CCDC146: variants seen among roughly 807,000 people sequenced by gnomAD.
CCDC146 encodes coiled-coil domain-containing protein 146.
Under a neutral mutation model 119.3 loss-of-function variants are expected in CCDC146, and 92 were observed. The observed-to-expected ratio is 0.77, with a 90% CI of 0.65 to 0.92. The LOEUF is 0.92. CCDC146 is among the 40% of genes least tolerant of loss of function. The pLI, the probability that CCDC146 is intolerant of heterozygous loss-of-function variation, is 0.00. For synonymous variants in CCDC146, 372 were observed against 371.8 expected (o/e 1.00, Z -0.01); for missense variants, 1,000 against 1,103.0 (o/e 0.91, Z 1.32).
chr7:77,236,239 A>G (rs762886139), intron 2 of CCDC146, among the ~76,000 whole-genome samples: 6 of 152,228 alleles, frequency 3.9e-5, no homozygotes, highest in Non-Finnish European at 5.9e-5. Context: ...ACGATGTTTT[A>G]TGATGTCTGT....
In CCDC146 at chr7:77,217,791, C is replaced by T. The variant is rs148076251; in HGVS notation, c.157-19156C>T. 1.4e-3 allele frequency among the ~76,000 whole-genome samples: 211 copies of T among 152,138 alleles called. 1 individual carries two copies. Among genetic ancestry groups the T allele is most frequent in the African/African-American group, 4.8e-3 (201 of 41,496 alleles). ...CAAGTCTGTACAGCATGTTACTGTGCTGATATTATATGCAATTGTGATACA... is the reference window on the plus strand; with the variant it reads ...CAAGTCTGTACAGCATGTTACTGTGTTGATATTATATGCAATTGTGATACA... On this transcript the variant is annotated intron_variant, in intron 2 of 18. Transcript: ENST00000285871.
chr7:77,131,170 A>G (rs1370981279), intron 1 of CCDC146, among the ~76,000 whole-genome samples: 1 of 152,006 alleles, frequency 6.6e-6, no homozygotes, highest in Non-Finnish European at 1.5e-5. Context: ...CATGAACAGC[A>G]TAATAGTCAA....
At chr7:77,138,343 A>AT (rs199679650) in intron 1 of CCDC146, among the ~76,000 whole-genome samples, 1,640 of 151,498 alleles carry the variant, frequency 0.011, 24 homozygotes, top group African/African-American at 0.037. Context: ...TGCAAAAAAA[A>AT]ATGAATCTAA....
At chr7:77,244,003 G>A (rs1342209760) in intron 4 of CCDC146, among the ~76,000 whole-genome samples, 2 of 152,104 alleles carry the variant, frequency 1.3e-5, no homozygotes, top group African/African-American at 4.8e-5. Flanking sequence ...TCAGCCTCCT[G>A]AGTAGCTGGG....
chr7:77,165,906 T>C (rs1247281402), intron 1 of CCDC146, among the ~76,000 whole-genome samples: 1 of 152,216 alleles, frequency 6.6e-6, no homozygotes, highest in Non-Finnish European at 1.5e-5. Context: ...ATTGCTATAA[T>C]ATTGCAAATA....
intron 2 of CCDC146, among the ~76,000 whole-genome samples, chr7:77,222,926 T>C (rs912184360): frequency 2.0e-5 from 3 of 152,224 alleles, no homozygotes; most frequent in African/African-American, 7.2e-5. Context: ...CTGGTTAATG[T>C]TTTGTGACTT....
chr7:77,207,109 A>G lies in CCDC146; in HGVS notation c.157-29838A>G, dbSNP rs982513079. ...GTGCTGGTAACTAAAAATTTATTAA[A>G]TGGAGTAAATGTTGTAGTTTTAACA... On this transcript the variant is annotated intron_variant, in intron 2 of 18. Transcript: ENST00000285871. 5.3e-5 allele frequency among the ~76,000 whole-genome samples: 8 copies of G among 152,202 alleles called. No individual in the cohort carries two copies. The South Asian group carries it at 1.4e-3, about 28-fold the overall frequency.
At chr7:77,253,832 A>G (rs150971014) in intron 4 of CCDC146, among the ~76,000 whole-genome samples, 252 of 152,356 alleles carry the variant, frequency 1.7e-3, no homozygotes, top group African/African-American at 5.7e-3. Flanking sequence ...GAAGTGAGCT[A>G]TGCAAAGATC....
chr7:77,160,443 C>A (rs1791243940), intron 1 of CCDC146, among the ~76,000 whole-genome samples: 1 of 151,336 alleles, frequency 6.6e-6, no homozygotes, highest in African/African-American at 2.4e-5. Context: ...CTTTTATTTC[C>A]TTGAGCAGTG....
At chr7:77,291,799 G>C (rs1793948414) in intron 17 of CCDC146, among the ~76,000 whole-genome samples, 1 of 152,200 alleles carries the variant, frequency 6.6e-6, no homozygotes, top group Non-Finnish European at 1.5e-5. Context: ...GCATGTTTCT[G>C]ACCTAGTAAT....
intron 2 of CCDC146, chr7:77,199,547 G>C (rs1791944212): frequency 6.2e-7 from 1 of 1,614,062 alleles, no homozygotes; most frequent in African/African-American, 1.3e-5. Context: ...TTGAGGTTTT[G>C]GACTTCTTTG....
At chr7:77,169,246 G>T (rs1407532716) in intron 2 of CCDC146, among the ~76,000 whole-genome samples, 1 of 152,024 alleles carries the variant, frequency 6.6e-6, no homozygotes, top group Non-Finnish European at 1.5e-5. Context: ...ACACAATCTC[G>T]TATCCTTCTC....
Position 77,175,582 on chromosome 7 carries a change from C to G in CCDC146, c.156+7758C>G, listed in dbSNP as rs933900995. On this transcript the variant is annotated intron_variant, in intron 2 of 18. Transcript: ENST00000285871. Reference sequence around the variant, plus strand: ...ATATATAAAACTATGAGTGGTTGTACTTCTTACAAAATATGTAATAGCAGC... The same window carrying G: ...ATATATAAAACTATGAGTGGTTGTAGTTCTTACAAAATATGTAATAGCAGC... 2.0e-5 allele frequency among the ~76,000 whole-genome samples: 3 copies of G among 151,276 alleles called. 1 individual carries two copies. Among genetic ancestry groups the G allele is most frequent in the African/African-American group, 7.4e-5 (3 of 40,776 alleles).
At chr7:77,235,932 G>C (rs776232885) in intron 2 of CCDC146, among the ~76,000 whole-genome samples, 20 of 152,214 alleles carry the variant, frequency 1.3e-4, no homozygotes, top group South Asian at 1.0e-3. Flanking sequence ...TTAGCTGGGC[G>C]TGGTGGTGTG....
At chr7:77,267,382 G>T (rs1043437301) in intron 9 of CCDC146, among the ~76,000 whole-genome samples, 1 of 152,132 alleles carries the variant, frequency 6.6e-6, no homozygotes, top group Non-Finnish European at 1.5e-5. Flanking sequence ...GGCATAGAAA[G>T]TTTGTCCATG....
At chr7:77,268,299 T>A (rs1251189345) in intron 9 of CCDC146, among the ~76,000 whole-genome samples, 1 of 152,232 alleles carries the variant, frequency 6.6e-6, no homozygotes, top group African/African-American at 2.4e-5. Context: ...GGCCTTGTTT[T>A]TGTCCTGATC....
intron 1 of CCDC146, among the ~76,000 whole-genome samples, chr7:77,161,085 A>G (rs1311059570): frequency 1.3e-5 from 2 of 152,232 alleles, no homozygotes; most frequent in Non-Finnish European, 2.9e-5. Flanking sequence ...AACCACAATG[A>G]GATACCATCT....
intron 1 of CCDC146, among the ~76,000 whole-genome samples, chr7:77,144,453 G>A (rs888992795): frequency 1.3e-5 from 2 of 151,730 alleles, no homozygotes; most frequent in African/African-American, 2.4e-5. Context: ...CCAATACTAT[G>A]TTGAAGAGGA....
intron 9 of CCDC146, among the ~76,000 whole-genome samples, chr7:77,271,463 A>C: frequency 8.3e-6 from 1 of 121,046 alleles, no homozygotes; most frequent in East Asian, 2.5e-4. Context: ...ATACTTAATA[A>C]ACTCCCCTTT....
Sources: allele counts gnomAD v4.1 joint callset (sites outside exome capture counted in the v4.1 genomes callset), GRCh38; gene constraint gnomAD v4.1.1; transcripts MANE v1.5; gene names NCBI Gene and HGNC (gene_info 2026-07-23, HGNC 2026-07-21).